Variants in XKRX observed in about 807,000 individuals in gnomAD.
XKRX encodes the protein XK related X-linked, also known as XK-related protein 2.
XKRX carries 11 observed loss-of-function variants against 22.4 expected under a neutral mutation model. That is an observed-to-expected ratio of 0.49 (90% CI 0.31 to 0.81). The LOEUF (loss-of-function observed/expected upper bound fraction) is 0.81. Ranked by LOEUF, XKRX falls within the 40% of genes least tolerant of loss-of-function variation. The pLI is 0.05. For missense variants in XKRX, 320 were observed against 336.5 expected (o/e 0.95, Z 0.38); for synonymous variants, 114 against 132.2 (o/e 0.86, Z 0.94).
chrX:100,914,571 T>C lies in XKRX; in HGVS notation c.1117A>G (p.Lys373Glu). ...GAATGACAGTAATTCAGTAACACTT[T>C]CACTCCAAAGAACTTAAAAACCAAG... The part of the protein sequence containing the change: ...MVLVFKFFGV[K>E]VLLNYCHSLI... The change falls in exon 3 of 3, where the codon AAA becomes GAA. Residue 373 changes from lysine to glutamate, a missense_variant. By Grantham distance (56) the Lys-to-Glu change is moderately conservative. Transcript: ENST00000372956. 1 of 1,211,978 alleles carries C rather than the reference T, an allele frequency of 8.3e-7. No homozygotes were observed. The highest frequency in any genetic ancestry group is 1.7e-5 in the African/African-American group (1 of 57,828).
At chrX:100,934,603 C>CA in the XKRX span, among the ~76,000 whole-genome samples, 6 of 111,853 alleles carry the variant, frequency 5.4e-5, no homozygotes, top group Admixed American at 2.9e-4. Flanking sequence ...GGTGTGTGAC[C>CA]AAACAACTGG....
chrX:100,945,084 C>CT, the XKRX span, among the ~76,000 whole-genome samples: 267 of 103,702 alleles, frequency 2.6e-3, no homozygotes, highest in African/African-American at 8.1e-3. Context: ...TTTTGTTTTT[C>CT]TTTTTTTTTT....
Position 100,914,193 on chromosome X carries a change from A to G in XKRX, c.*145T>C. ...CTTAAGAAAATAAAACCTATTTGGGAGTTGCTCTTTCTTCTGATAGGCTTA... is the reference window on the plus strand; with the variant it reads ...CTTAAGAAAATAAAACCTATTTGGGGGTTGCTCTTTCTTCTGATAGGCTTA... On this transcript the variant is annotated 3_prime_UTR_variant, in exon 3 of 3. Transcript: ENST00000372956. The G allele has an allele frequency of 1.5e-6, 1 of 660,640 alleles. No individual in the cohort carries two copies. Among genetic ancestry groups the G allele is most frequent in the Non-Finnish European group, 2.3e-6 (1 of 432,898 alleles). 54.4% of individuals were successfully genotyped at this position (660,640 alleles called of 1,213,427 possible). A position where few individuals can be genotyped will look rare whatever the true frequency, so the allele number is the denominator to read the frequency against.
the XKRX span, among the ~76,000 whole-genome samples, chrX:100,941,972 C>T: frequency 5.5e-5 from 6 of 109,860 alleles, no homozygotes; most frequent in South Asian, 8.0e-4. Context: ...CTCAGCCTCC[C>T]GAGTAGCTGG....
the XKRX span, chrX:100,888,526 C>A: frequency 1.6e-6 from 1 of 643,111 alleles, no homozygotes; most frequent in Non-Finnish European, 2.6e-6. Context: ...TTGTTTCAAA[C>A]CTCAACTCTC....
chrX:100,910,201 C>G (rs1453668376), downstream of XKRX, among the ~76,000 whole-genome samples: 1 of 111,257 alleles, frequency 9.0e-6, no homozygotes, highest in Non-Finnish European at 1.9e-5. Context: ...TTATGTCTGC[C>G]TTTTCCAGAA....
chrX:100,934,611 T>C, the XKRX span, among the ~76,000 whole-genome samples: 4 of 111,888 alleles, frequency 3.6e-5, no homozygotes, highest in East Asian at 2.8e-4. Flanking sequence ...ACCAAACAAC[T>C]GGGCACAATA....
At chrX:100,953,472 A>G in the XKRX span, among the ~76,000 whole-genome samples, 5 of 112,151 alleles carry the variant, frequency 4.5e-5, no homozygotes, top group Admixed American at 4.7e-4. Context: ...AGCAAAAAAA[A>G]AGGTAAATTG....
At chrX:100,946,342 T>C in the XKRX span, among the ~76,000 whole-genome samples, 1 of 112,180 alleles carries the variant, frequency 8.9e-6, no homozygotes, top group Non-Finnish European at 1.9e-5. Context: ...TGCAAGAGCC[T>C]ACATTAATCA....
chrX:100,958,558 T>C, the XKRX span, among the ~76,000 whole-genome samples: 3 of 112,017 alleles, frequency 2.7e-5, no homozygotes, highest in Non-Finnish European at 5.6e-5. Context: ...AAAAAGCAAA[T>C]GGTATACCAC....
At chrX:100,888,591 C>A in the XKRX span, 1 of 466,466 alleles carries the variant, frequency 2.1e-6, no homozygotes, top group Non-Finnish European at 3.8e-6. Context: ...GACTTAGACA[C>A]GACGGAAGGG....
At chrX:100,930,063 C>T (rs186508618), upstream of XKRX, among the ~76,000 whole-genome samples, 17 of 109,875 alleles carry the variant, frequency 1.5e-4, 1 homozygote, top group African/African-American at 5.3e-4. Context: ...CTGAGGCAGG[C>T]AGATCACTTG....
rs764633783 is a variant in XKRX at position 100,928,042 on chromosome X, A to T, written c.263T>A (p.Val88Asp). The part of the protein sequence containing the change: ...SIMVQLTLIF[V>D]HRDLAKDKPL... ...TTTATCTTTGGCTAGATCTCTGTGG[A>T]CAAAAATGAGGGTCAACTGGACCAT... is the stretch of plus-strand genomic sequence containing the variant. The change falls in exon 1 of 3, where the codon GTC becomes GAC. Residue 88 changes from valine (V) to aspartate (D), a missense_variant. Coordinates refer to ENST00000372956, the MANE Select transcript of XKRX (RefSeq NM_212559.3). 2.5e-6 allele frequency: 3 copies of T among 1,211,207 alleles called. No individual in the cohort carries two copies. The South Asian group carries it at 5.3e-5, about 21-fold the overall frequency.
chrX:100,900,832 T>C, the XKRX span, among the ~76,000 whole-genome samples: 285 of 97,837 alleles, frequency 2.9e-3, 1 homozygote, highest in South Asian at 0.019. Flanking sequence ...TTCTGTCGCC[T>C]AGGCTGGAGT....
the XKRX span, among the ~76,000 whole-genome samples, chrX:100,892,239 T>C: frequency 1.8e-5 from 2 of 112,050 alleles, no homozygotes; most frequent in Non-Finnish European, 3.8e-5. Context: ...TAAGACCTAG[T>C]ATTTGATAGC....
At chrX:100,917,675 A>AAGAAAG (rs1451864025) in intron 2 of XKRX, among the ~76,000 whole-genome samples, 2 of 5,682 alleles carry the variant, frequency 3.5e-4, no homozygotes, top group Non-Finnish European at 9.5e-4. Context: ...GAAAGAAAGA[A>AAGAAAG]AAGAAAGAAA....
the XKRX span, among the ~76,000 whole-genome samples, chrX:100,897,639 G>GTGT: frequency 3.0e-5 from 2 of 67,405 alleles, no homozygotes; most frequent in Non-Finnish European, 5.2e-5. Context: ...GTGTGTGTGT[G>GTGT]TTTCCTAGTT....
the XKRX span, among the ~76,000 whole-genome samples, chrX:100,943,650 C>T: frequency 4.5e-5 from 5 of 111,970 alleles, no homozygotes; most frequent in South Asian, 3.8e-4. Context: ...GTGATCCGCC[C>T]GCCTTGGCCT....
the XKRX span, among the ~76,000 whole-genome samples, chrX:100,902,690 T>G: frequency 9.0e-6 from 1 of 110,787 alleles, no homozygotes; most frequent in Admixed American, 9.7e-5. Flanking sequence ...CTAACATCCA[T>G]GCATGATAAA....
Sources: allele counts gnomAD v4.1 joint callset (sites outside exome capture counted in the v4.1 genomes callset), GRCh38; gene constraint gnomAD v4.1.1; transcripts MANE v1.5; gene names NCBI Gene and HGNC (gene_info 2026-07-23, HGNC 2026-07-21).